The following CBLB variants were observed in gnomAD, a reference collection of about 807,000 sequenced individuals.
The protein encoded by CBLB is Cbl proto-oncogene B.
A neutral mutation model predicts 104.9 loss-of-function variants in CBLB; 31 were observed. The observed-to-expected ratio is 0.30, with a 90% CI of 0.22 to 0.40. The LOEUF (loss-of-function observed/expected upper bound fraction) is 0.40, where lower values mean the gene tolerates loss of function less well. CBLB is among the 10% of genes least tolerant of loss of function. CBLB has a pLI of 1.00. For synonymous variants in CBLB, 440 were observed against 422.6 expected, an observed-to-expected ratio of 1.04 and a Z score of -0.51; for missense variants, 1,062 against 1,214.6, an observed-to-expected ratio of 0.87 and a Z score of 1.87.
At position 105,822,114 on chromosome 3, in the gene CBLB, C is replaced by A. The variant is rs576728904; in HGVS notation, c.419+31300G>T. 4.1e-4 allele frequency among the ~76,000 whole-genome samples: 63 copies of A among 152,078 alleles called. No homozygotes were observed. The South Asian group carries it at 4.2e-3, about 10-fold the overall frequency. On this transcript the variant is annotated intron_variant, in intron 3 of 18. Transcript: ENST00000394030. ...AACTTATATTATTATTTATCATTAT[C>A]TTTTATTCATCTGCAACTATAATAT...
At chr3:105,728,892 C>G (rs1376096504) in intron 9 of CBLB, among the ~76,000 whole-genome samples, 1 of 152,140 alleles carries the variant, frequency 6.6e-6, no homozygotes, top group East Asian at 1.9e-4. Context: ...ACTACTGACA[C>G]AGCTACTGCG....
Position 105,658,547 on chromosome 3 carries a change from T to A in CBLB, c.*423A>T. On this transcript the variant is annotated 3_prime_UTR_variant, in exon 19 of 19. Transcript: ENST00000394030. Reference sequence around the variant, plus strand: ...GCTGTTGATGTGGACAGCAAGAGAGTTGGTGGGAAATGTTACAGCAGACCT... The same window carrying A: ...GCTGTTGATGTGGACAGCAAGAGAGATGGTGGGAAATGTTACAGCAGACCT... 3.9e-6 allele frequency: 1 copy of A among 253,904 alleles called. No homozygotes were observed. The highest frequency in any genetic ancestry group is 7.7e-6 in the Non-Finnish European group (1 of 129,752). 15.7% of individuals were successfully genotyped at this position (253,904 alleles called of 1,614,324 possible).
intron 4 of CBLB, among the ~76,000 whole-genome samples, chr3:105,761,603 T>C (rs1319829162): frequency 6.6e-6 from 1 of 152,226 alleles, no homozygotes; most frequent in Admixed American, 6.5e-5. Context: ...TCTGCCATGA[T>C]TGTGAGGTCT....
rs756150934 is a variant in CBLB, at chr3:105,704,052, C to A, written c.1529G>T (p.Arg510Leu). The A allele has an allele frequency of 1.9e-6, 3 of 1,614,052 alleles. No individual in the cohort carries two copies. Among genetic ancestry groups the A allele is most frequent in the Non-Finnish European group, 2.5e-6 (3 of 1,179,996 alleles). The change falls in exon 11 of 19, where the codon CGC (arginine) becomes CTC (leucine). Residue 510 changes from arginine (R) to leucine (L), a missense_variant. Arg to Leu is a moderately radical substitution (Grantham distance 102). Coordinates refer to ENST00000394030, the MANE Select transcript of CBLB (RefSeq NM_170662.5). ...TATGCCTTTCTGAATTAGATCCAGGCGAGGAGGCACGGGTGGCAGGCTTAG... is the reference window on the plus strand; with the variant it reads ...TATGCCTTTCTGAATTAGATCCAGGAGAGGAGGCACGGGTGGCAGGCTTAG... ...PHLSLPPVPP[R>L]LDLIQKGIVR... is the part of the protein sequence containing the mutation.
rs770446981 is a variant in CBLB at position 105,807,783 on chromosome 3, G to A, written c.420-31241C>T. 7.2e-5 allele frequency among the ~76,000 whole-genome samples: 11 copies of A among 152,248 alleles called. No homozygotes were observed. In the East Asian group the frequency reaches 7.7e-4, roughly 11 times the overall value. Reference sequence around the variant, plus strand: ...GAATAACTTCTTTTGAAGTAGAATCGTATATATCAGCATAGAGCTGGAAAG... The same window carrying A: ...GAATAACTTCTTTTGAAGTAGAATCATATATATCAGCATAGAGCTGGAAAG... On this transcript the variant is annotated intron_variant, in intron 3 of 18. Coordinates refer to ENST00000394030, the MANE Select transcript of CBLB (RefSeq NM_170662.5).
At chr3:105,770,215 C>T (rs1239556168) in intron 4 of CBLB, among the ~76,000 whole-genome samples, 1 of 151,664 alleles carries the variant, frequency 6.6e-6, no homozygotes, top group Non-Finnish European at 1.5e-5. Flanking sequence ...CTTAGGAAAA[C>T]AGAATCCACA....
At chr3:105,751,731 C>A (rs2076609194) in intron 4 of CBLB, 113 bp from the exon 5 acceptor site, 1 of 793,402 alleles carries the variant, frequency 1.3e-6, no homozygotes, top group African/African-American at 1.7e-5. Flanking sequence ...ATTTGTACTA[C>A]CAGACAAATA....
At chr3:105,713,937 T>C (rs1013172706) in intron 10 of CBLB, among the ~76,000 whole-genome samples, 4 of 152,172 alleles carry the variant, frequency 2.6e-5, no homozygotes, top group Admixed American at 6.5e-5. Context: ...TGCCATCCTT[T>C]AGTCATTGCA....
At chr3:105,783,751 G>A (rs2080589495) in intron 3 of CBLB, among the ~76,000 whole-genome samples, 1 of 152,170 alleles carries the variant, frequency 6.6e-6, no homozygotes, top group Admixed American at 6.5e-5. Context: ...GGGTGATGCA[G>A]TTCTGGCCAA....
chr3:105,666,569 C>T (rs111821312), intron 18 of CBLB, among the ~76,000 whole-genome samples: 162 of 152,104 alleles, frequency 1.1e-3, no homozygotes, highest in African/African-American at 3.8e-3. Context: ...GCCTGTAATC[C>T]CAGCTACTCG....
At position 105,745,159 on chromosome 3, in the gene CBLB, C is replaced by T. The variant is rs576370502; in HGVS notation, c.845+758G>A. Among the ~76,000 whole-genome samples, 144 of 152,226 alleles carry T rather than the reference C, an allele frequency of 9.5e-4. 1 individual carries two copies. Among genetic ancestry groups the T allele is most frequent in the African/African-American group, 3.4e-3 (142 of 41,540 alleles). On this transcript the variant is annotated intron_variant, in intron 6 of 18. Coordinates refer to ENST00000394030, the MANE Select transcript of CBLB (RefSeq NM_170662.5). ...AGCAGGTCTCTAATATCCCTACTGC[C>T]GTACTCAGCATACTGCCTGCCATAG... is the stretch of plus-strand genomic sequence containing the variant.
rs142003198 is a variant in CBLB at position 105,779,923 on chromosome 3, G to A, written c.420-3381C>T. ...GAATGGAGTGCAATGGTGTGATCTC[G>A]GCTCACTGCAACTTCTGCCTCCCGG... On this transcript the variant is annotated intron_variant, in intron 3 of 18. Coordinates refer to ENST00000394030, the MANE Select transcript of CBLB (RefSeq NM_170662.5). 9.6e-4 allele frequency among the ~76,000 whole-genome samples: 144 copies of A among 150,326 alleles called. 1 individual carries two copies. Among genetic ancestry groups the A allele is most frequent in the African/African-American group, 2.1e-3 (85 of 40,796 alleles).
At chr3:105,766,514 C>T (rs942066371) in intron 4 of CBLB, among the ~76,000 whole-genome samples, 5 of 152,198 alleles carry the variant, frequency 3.3e-5, no homozygotes, top group African/African-American at 1.2e-4. Flanking sequence ...ATTGCCACAG[C>T]CACCTTAACT....
chr3:105,817,537 G>T (rs1233660714), intron 3 of CBLB, among the ~76,000 whole-genome samples: 1 of 152,150 alleles, frequency 6.6e-6, no homozygotes, highest in African/African-American at 2.4e-5. Flanking sequence ...AACCAAGACA[G>T]ACGATGTCAC....
chr3:105,762,262 G>C, intron 4 of CBLB: 1 of 152,192 alleles, frequency 6.6e-6, no homozygotes, highest in Non-Finnish European at 1.5e-5. Flanking sequence ...CACATTCTCT[G>C]AGAAGAACCT....
At chr3:105,669,942 A>T (rs561579915) in intron 18 of CBLB, among the ~76,000 whole-genome samples, 2 of 152,256 alleles carry the variant, frequency 1.3e-5, no homozygotes, top group South Asian at 4.1e-4. Context: ...CTCATTTCCT[A>T]AATCTGAGAC....
intron 3 of CBLB, among the ~76,000 whole-genome samples, chr3:105,845,373 G>A (rs2090104461): frequency 6.8e-6 from 1 of 146,596 alleles, no homozygotes; most frequent in Admixed American, 6.8e-5. Context: ...ATTAACATGG[G>A]GCTTAGAAAA....
At chr3:105,735,905 C>T (rs2074884738) in intron 8 of CBLB, among the ~76,000 whole-genome samples, 1 of 152,154 alleles carries the variant, frequency 6.6e-6, no homozygotes, top group Non-Finnish European at 1.5e-5. Context: ...GAGATCGCGT[C>T]ACTGCACTCC....
intron 14 of CBLB, 115 bp downstream of exon 14, chr3:105,685,205 T>C: frequency 1.1e-6 from 1 of 914,698 alleles, no homozygotes; most frequent in Non-Finnish European, 1.8e-6. Flanking sequence ...AGAGAAGGAT[T>C]TGAGCTGGAA....
Sources: gnomAD v4.1 joint callset for allele counts (sites outside exome capture counted in the v4.1 genomes callset) on GRCh38, gnomAD v4.1.1 for gene constraint, MANE v1.5 for transcripts, NCBI Gene and HGNC (gene_info 2026-07-23, HGNC 2026-07-21) for gene names.